The following GTF3C1 variants were observed in gnomAD, a reference collection of about 807,000 sequenced individuals.
GTF3C1 encodes general transcription factor 3C polypeptide 1.
A neutral mutation model predicts 226.7 loss-of-function variants in GTF3C1; 57 were observed. The ratio of observed to expected loss-of-function variants is 0.25; its 90% CI spans 0.20 to 0.31. The LOEUF (loss-of-function observed/expected upper bound fraction) is 0.31. Among genes scored for constraint, GTF3C1 ranks in the 10% least tolerant of loss-of-function variants. The pLI is 1.00. For missense variants in GTF3C1, 2,217 were observed against 2,776.1 expected (o/e 0.80, Z 4.53); for synonymous variants, 1,090 against 1,084.8 (o/e 1.00, Z -0.09).
chr16:27,462,922 TAAACC>T lies in GTF3C1; in HGVS notation c.5925-441_5925-437del, dbSNP rs778967746. On this transcript the variant is annotated intron_variant, in intron 35 of 36. Transcript: ENST00000356183. This position sits in a 1 kb window ranked among gnomAD's most constrained non-coding sequence, Gnocchi z 4.5. ...TCCTCGAAACAGACGTTTCTGTTAC[TAAACC>T]AGAGACTGAACAGCCACCCGGGGCC... The T allele has an allele frequency of 5.6e-6, 1 of 179,894 alleles. No individual in the cohort carries two copies. Among genetic ancestry groups the T allele is most frequent in the Admixed American group, 5.5e-5 (1 of 18,088 alleles). 11.1% of individuals were successfully genotyped at this position (179,894 alleles called of 1,614,324 possible).
At chr16:27,529,084 C>T (rs901476442) in intron 5 of GTF3C1, among the ~76,000 whole-genome samples, 1 of 151,986 alleles carries the variant, frequency 6.6e-6, no homozygotes, top group Admixed American at 6.6e-5. Context: ...TACAAACACA[C>T]ACACACAGAT....
chr16:27,470,083 G>T lies in GTF3C1; in HGVS notation c.4814+25C>A. The T allele has an allele frequency of 6.3e-7, 1 of 1,599,616 alleles. No homozygotes were observed. The highest frequency in any genetic ancestry group is 8.5e-7 in the Non-Finnish European group (1 of 1,169,926). On this transcript the variant is annotated intron_variant, in intron 31 of 36. Coordinates refer to ENST00000356183, the MANE Select transcript of GTF3C1 (RefSeq NM_001520.4). This position sits in a 1 kb window ranked among gnomAD's most constrained non-coding sequence, Gnocchi z 4.9. ...CAATGCCTAGCACGTGGCCAGACCTGATGCTGCGGATGCCGGACTCTTACC... is the reference window on the plus strand; with the variant it reads ...CAATGCCTAGCACGTGGCCAGACCTTATGCTGCGGATGCCGGACTCTTACC...
At chr16:27,500,635 G>A (rs573623542) in intron 12 of GTF3C1, among the ~76,000 whole-genome samples, 17 of 152,296 alleles carry the variant, frequency 1.1e-4, no homozygotes, top group East Asian at 3.9e-4. Context: ...TACCCTGACC[G>A]TGAAAAACGT....
intron 1 of GTF3C1, 39 bp downstream of exon 1, chr16:27,549,631 G>GGCCCCCCCCCC: frequency 2.3e-5 from 16 of 691,932 alleles, no homozygotes; most frequent in Non-Finnish European, 3.4e-5. Flanking sequence ...CGGGCCCTGC[G>GGCCCCCCCCCC]CCCGCCCGCC....
intron 6 of GTF3C1, among the ~76,000 whole-genome samples, chr16:27,515,652 T>G (rs1465049248): frequency 6.6e-6 from 1 of 152,040 alleles, no homozygotes; most frequent in Non-Finnish European, 1.5e-5. Flanking sequence ...GGCAGAGAAG[T>G]GTTTCCATCT....
At chr16:27,477,290 T>C (rs2087963737) in intron 28 of GTF3C1, among the ~76,000 whole-genome samples, 2 of 152,150 alleles carry the variant, frequency 1.3e-5, no homozygotes, top group Admixed American at 6.5e-5. Context: ...ACTTAGTGAA[T>C]AGTAAATAGA....
intron 26 of GTF3C1, 40 bp from the exon 27 acceptor site, chr16:27,481,231 T>C (rs2141364591): frequency 6.4e-7 from 1 of 1,559,022 alleles, no homozygotes; most frequent in Non-Finnish European, 8.8e-7. Context: ...CCCTTACTCT[T>C]CCTAAAGGGA....
At chr16:27,524,454 T>G (rs1048525303) in intron 6 of GTF3C1, among the ~76,000 whole-genome samples, 9 of 152,192 alleles carry the variant, frequency 5.9e-5, no homozygotes, top group Admixed American at 3.9e-4. Flanking sequence ...CCCTGGAAAG[T>G]GGGTACTATT....
At chr16:27,480,970 A>G in intron 27 of GTF3C1, 109 bp downstream of exon 27, 2 of 831,414 alleles carry the variant, frequency 2.4e-6, no homozygotes, top group South Asian at 1.5e-5. Context: ...GGCCAAATGC[A>G]GCCAGGCAGG....
intron 6 of GTF3C1, among the ~76,000 whole-genome samples, chr16:27,519,110 G>A (rs2088706820): frequency 6.6e-6 from 1 of 152,134 alleles, no homozygotes; most frequent in Non-Finnish European, 1.5e-5. Flanking sequence ...GCAGAGAGAG[G>A]AGGTGGCATT....
chr16:27,474,700 C>G (rs72784357), intron 29 of GTF3C1, among the ~76,000 whole-genome samples: 12,408 of 152,252 alleles, frequency 0.081, 523 homozygotes, highest in Middle Eastern at 0.1. Flanking sequence ...AGTTCAGGCT[C>G]AGACAGGGCT....
chr16:27,524,341 A>ATT (rs2088798299), intron 6 of GTF3C1, among the ~76,000 whole-genome samples: 10 of 152,232 alleles, frequency 6.6e-5, no homozygotes, highest in African/African-American at 2.4e-4. Context: ...TTCAATACAA[A>ATT]CAAACACTGT....
intron 27 of GTF3C1, chr16:27,480,743 C>T (rs1270469077): frequency 7.5e-6 from 2 of 267,782 alleles, no homozygotes; most frequent in East Asian, 1.7e-4. Flanking sequence ...ATGTTCAAAT[C>T]CTGGCCCTGG....
chr16:27,501,546 C>A (rs1319908931), intron 11 of GTF3C1, among the ~76,000 whole-genome samples: 1 of 152,178 alleles, frequency 6.6e-6, no homozygotes, highest in Non-Finnish European at 1.5e-5. Context: ...TAAGGACAAG[C>A]CACCAAAGAC....
At position 27,538,281 on chromosome 16, in the gene GTF3C1, G is replaced by A. The variant is rs768869244; in HGVS notation, c.507C>T (p.Pro169=). 7.5e-6 allele frequency: 12 copies of A among 1,608,510 alleles called. No individual in the cohort carries two copies. Among genetic ancestry groups the A allele is most frequent in the Admixed American group, 1.7e-5 (1 of 59,930 alleles). Residue 169 remains proline (P), a synonymous_variant, in exon 3 of 37, where the codon CCC becomes CCT. Transcript: ENST00000356183. ...AGGAGAAGTCGGGCAGCTTCAGGTCGGGATCCCCCTCCTGGCCTATCAAGG... is the reference window on the plus strand; with the variant it reads ...AGGAGAAGTCGGGCAGCTTCAGGTCAGGATCCCCCTCCTGGCCTATCAAGG... ...YRALIGQEGD[P]DLKLPDFSYC...
Position 27,462,577 on chromosome 16 carries a change from C to T in GTF3C1, c.5925-91G>A. ...ACTGAGGCTCAGGGGCGTCCTAGGC[C>T]TGGCCCAGGTCACAGGGCTGAGACC... On this transcript the variant is annotated intron_variant, in intron 35 of 36. Transcript: ENST00000356183. This position sits in a 1 kb window ranked among gnomAD's most constrained non-coding sequence, Gnocchi z 4.5. 1.1e-6 allele frequency: 1 copy of T among 936,122 alleles called. No individual in the cohort carries two copies. The highest frequency in any genetic ancestry group is 1.6e-5 in the African/African-American group (1 of 62,092). The allele number at this position is 936,122 out of a possible 1,614,324, so 58.0% of individuals were successfully genotyped here. A position where few individuals can be genotyped will look rare whatever the true frequency, so the allele number is the denominator to read the frequency against.
intron 4 of GTF3C1, among the ~76,000 whole-genome samples, chr16:27,535,763 G>C (rs182297222): frequency 1.2e-4 from 18 of 151,978 alleles, no homozygotes; most frequent in Admixed American, 4.6e-4. Context: ...GTGGTGCATC[G>C]CTTGAGCCCT....
intron 27 of GTF3C1, chr16:27,480,637 C>A (rs182626725): frequency 1.0e-3 from 161 of 159,810 alleles, no homozygotes; most frequent in Non-Finnish European, 2.0e-3. Flanking sequence ...AGGTAACAGG[C>A]CTAGTTCACA....
intron 1 of GTF3C1, among the ~76,000 whole-genome samples, chr16:27,549,256 T>A (rs780831518): frequency 6.6e-6 from 1 of 152,206 alleles, no homozygotes; most frequent in Non-Finnish European, 1.5e-5. Context: ...GATCTCGAGT[T>A]GCCCTAGGCT....
Sources: allele counts gnomAD v4.1 joint callset (sites outside exome capture counted in the v4.1 genomes callset), GRCh38; gene constraint gnomAD v4.1.1; non-coding constraint Gnocchi (gnomAD v3.1); transcripts MANE v1.5; gene names NCBI Gene and HGNC (gene_info 2026-07-23, HGNC 2026-07-21).